The following PDK2 variants were observed in gnomAD, a reference collection of about 807,000 sequenced individuals.
PDK2 encodes the protein pyruvate dehydrogenase kinase 2.
A neutral mutation model predicts 50.4 loss-of-function variants in PDK2; 34 were observed. That is an observed-to-expected ratio of 0.68 (90% confidence interval 0.51 to 0.90). PDK2 has a LOEUF of 0.90. Ranked by LOEUF, PDK2 falls within the 40% of genes least tolerant of loss-of-function variation. The probability of loss-of-function intolerance (pLI) is 0.00; values close to 1 mark genes in which losing one functional copy is unlikely to be tolerated. For synonymous variants in PDK2, 232 were observed against 216.0 expected, an observed-to-expected ratio of 1.07 and a Z score of -0.65; for missense variants, 377 against 544.5, an observed-to-expected ratio of 0.69 and a Z score of 3.06.
intron 2 of PDK2, among the ~76,000 whole-genome samples, chr17:50,103,605 G>A (rs1910345084): frequency 6.6e-6 from 1 of 152,196 alleles, no homozygotes; most frequent in Admixed American, 6.5e-5. Flanking sequence ...GAGGTTCCAT[G>A]ACTTACCCAG....
Position 50,101,317 on chromosome 17 carries a change from G to A in PDK2, c.260+3753G>A, listed in dbSNP as rs576832963. Among the ~76,000 whole-genome samples the A allele has an allele frequency of 2.0e-5, 3 of 152,200 alleles. No homozygotes were observed. Among genetic ancestry groups the A allele is most frequent in the South Asian group, 2.1e-4 (1 of 4,828 alleles). On this transcript the variant is annotated intron_variant, in intron 2 of 10. Coordinates refer to ENST00000503176, the MANE Select transcript of PDK2 (RefSeq NM_002611.5). The surrounding 1 kb of genome is among the most constrained non-coding windows in gnomAD (Gnocchi z 4.2). ...CCGACCACTTACTGCGCATGTACTCGAGGCATCATCTTTTCTGTACACCCA... is the reference window on the plus strand; with the variant it reads ...CCGACCACTTACTGCGCATGTACTCAAGGCATCATCTTTTCTGTACACCCA...
In PDK2 at chr17:50,097,473, C is replaced by T. The variant is rs1454783933; in HGVS notation, c.169C>T (p.Leu57=). 13 of 1,613,902 alleles carry T rather than the reference C, an allele frequency of 8.1e-6. No homozygotes were observed. Among genetic ancestry groups the T allele is most frequent in the Non-Finnish European group, 1.1e-5 (13 of 1,179,992 alleles). ...CTCCTTCACCTTCCTCAGGCAGGAGCTGCCTGTGCGCCTGGCCAACATCAT... is the reference window on the plus strand; with the variant it reads ...CTCCTTCACCTTCCTCAGGCAGGAGTTGCCTGTGCGCCTGGCCAACATCAT... ...KTSFTFLRQE[L]PVRLANIMKE... Residue 57 remains leucine, a synonymous_variant, in exon 2 of 11, where the codon CTG becomes TTG. Transcript: ENST00000503176.
Position 50,097,492 on chromosome 17 carries a change from ACAT to A in PDK2, c.192_194del (p.Ile64del). 6.2e-7 allele frequency: 1 copy of A among 1,614,028 alleles called. No homozygotes were observed. Among genetic ancestry groups the A allele is most frequent in the Non-Finnish European group, 8.5e-7 (1 of 1,180,000 alleles). ...CAGGAGCTGCCTGTGCGCCTGGCCA[ACAT>A]CATGAAAGAGATCAACCTGCTTCCC... is the stretch of plus-strand genomic sequence containing the variant. On this transcript the variant is annotated inframe_deletion, in exon 2 of 11. Transcript: ENST00000503176.
chr17:50,101,530 T>C lies in PDK2; in HGVS notation c.261-3841T>C, dbSNP rs1444212404. ...CCTCCTCCCCAGCCTTTGCCTTGTT[T>C]ACACCCTGCTCCCCAGCAGCTGTGG... On this transcript the variant is annotated intron_variant, in intron 2 of 10. Coordinates refer to ENST00000503176, the MANE Select transcript of PDK2 (RefSeq NM_002611.5). The surrounding 1 kb of genome is among the most constrained non-coding windows in gnomAD (Gnocchi z 4.2). Among the ~76,000 whole-genome samples the C allele has an allele frequency of 3.3e-5, 5 of 152,006 alleles. No homozygotes were observed. Among genetic ancestry groups the C allele is most frequent in the Admixed American group, 3.3e-4 (5 of 15,292 alleles).
At chr17:50,105,503 C>T in intron 3 of PDK2, 61 bp downstream of exon 3, 2 of 1,401,842 alleles carry the variant, frequency 1.4e-6, no homozygotes, top group Non-Finnish European at 2.0e-6. Context: ...TCTGGGGTTG[C>T]AGCCCCTGGG....
Position 50,109,805 on chromosome 17 carries a change from C to A in PDK2, c.1084-152C>A. Reference sequence around the variant, plus strand: ...AGAGGGAGCTGCTTGCTTGAATGGGCAGGAGCGGGACACAGGAGGGACCAC... The same window carrying A: ...AGAGGGAGCTGCTTGCTTGAATGGGAAGGAGCGGGACACAGGAGGGACCAC... On this transcript the variant is annotated intron_variant, in intron 10 of 10. Coordinates refer to ENST00000503176, the MANE Select transcript of PDK2 (RefSeq NM_002611.5). This position sits in a 1 kb window ranked among gnomAD's most constrained non-coding sequence, Gnocchi z 5.0. The A allele has an allele frequency of 1.3e-6, 1 of 799,072 alleles. No individual in the cohort carries two copies. The highest frequency in any genetic ancestry group is 1.9e-6 in the Non-Finnish European group (1 of 528,868). 49.5% of individuals were successfully genotyped at this position (799,072 alleles called of 1,614,324 possible).
At chr17:50,102,908 T>C (rs991122606) in intron 2 of PDK2, among the ~76,000 whole-genome samples, 1 of 151,578 alleles carries the variant, frequency 6.6e-6, no homozygotes, top group African/African-American at 2.4e-5. Flanking sequence ...TGGTGTAGAC[T>C]TGGAGTCTGC....
chr17:50,099,878 G>A (rs147651657), intron 2 of PDK2, among the ~76,000 whole-genome samples: 19 of 152,384 alleles, frequency 1.2e-4, no homozygotes, highest in African/African-American at 4.6e-4. Flanking sequence ...GAGACAGCCT[G>A]CCAAGAATGT....
rs975948762 is a variant in PDK2, at chr17:50,107,117, A to C, written c.649A>C (p.Met217Leu). 12 of 1,613,974 alleles carry C rather than the reference A, an allele frequency of 7.4e-6. No homozygotes were observed. Among genetic ancestry groups the C allele is most frequent in the African/African-American group, 1.3e-5 (1 of 74,888 alleles). The stretch of plus-strand genomic sequence containing the variant: ...TAAGCTCCTGTGTGACAAGTATTAC[A>C]TGGCCTCACCTGACCTGGAGATCCA... ...MAKLLCDKYY[M>L]ASPDLEIQEI... is the part of the protein sequence containing the mutation. Residue 217 changes from methionine to leucine, a missense_variant, in exon 6 of 11, where the codon ATG (methionine) becomes CTG (leucine). Coordinates refer to ENST00000503176, the MANE Select transcript of PDK2 (RefSeq NM_002611.5).
At chr17:50,105,767 G>A in intron 3 of PDK2, 118 bp from the exon 4 acceptor site, 2 of 1,356,646 alleles carry the variant, frequency 1.5e-6, no homozygotes, top group Non-Finnish European at 2.0e-6. Context: ...AGCAGGGAGG[G>A]CACTGGGAGT....
Position 50,095,381 on chromosome 17 carries a change from G to C in PDK2, c.-55G>C. The C allele has an allele frequency of 7.4e-7, 1 of 1,343,874 alleles. No homozygotes were observed. The highest frequency in any genetic ancestry group is 1.0e-6 in the Non-Finnish European group (1 of 954,774). The allele number at this position is 1,343,874 out of a possible 1,614,324, so 83.2% of individuals were successfully genotyped here. On this transcript the variant is annotated 5_prime_UTR_variant, in exon 1 of 11. Transcript: ENST00000503176. ...CCGAACCGCGTCGCTGGGCCGAAAG[G>C]TGCGCGAGCGCTGCCCGCGCGGGGA...
At chr17:50,096,107 C>T (rs16948701) in intron 1 of PDK2, 13 of 986,088 alleles carry the variant, frequency 1.3e-5, no homozygotes, top group Non-Finnish European at 1.6e-5. Flanking sequence ...AGACAGTGCC[C>T]TGACTGGTAG....
rs1910215559 is a variant in PDK2, at chr17:50,101,298, A to G, written c.260+3734A>G. Among the ~76,000 whole-genome samples, 1 of 152,048 alleles carries G rather than the reference A, an allele frequency of 6.6e-6. No homozygotes were observed. On this transcript the variant is annotated intron_variant, in intron 2 of 10. Transcript: ENST00000503176. The surrounding 1 kb of genome is among the most constrained non-coding windows in gnomAD (Gnocchi z 4.2). ...CTTGCATGACCGAGCAGGACCGACC[A>G]CTTACTGCGCATGTACTCGAGGCAT...
intron 6 of PDK2, 89 bp from the exon 7 acceptor site, chr17:50,108,067 T>G: frequency 9.5e-7 from 1 of 1,051,454 alleles, no homozygotes; most frequent in Non-Finnish European, 1.4e-6. Context: ...ACTCAGAACT[T>G]TGTGGGAGGG....
intron 2 of PDK2, among the ~76,000 whole-genome samples, chr17:50,102,586 C>T (rs560143487): frequency 2.0e-5 from 3 of 152,334 alleles, no homozygotes; most frequent in Non-Finnish European, 4.4e-5. Context: ...CCCACCTGCC[C>T]CTAGCACTGC....
chr17:50,103,383 A>G lies in PDK2; in HGVS notation c.261-1988A>G, dbSNP rs1480241373. Among the ~76,000 whole-genome samples, 3 of 152,190 alleles carry G rather than the reference A, an allele frequency of 2.0e-5. No individual in the cohort carries two copies. The East Asian group carries it at 5.8e-4, about 29-fold the overall frequency. On this transcript the variant is annotated intron_variant, in intron 2 of 10. Transcript: ENST00000503176. ...ATGCTGTGATTCAGAGCCTACAAGC[A>G]GTGGGAGAGTATCAGATGCTGCCTG...
intron 9 of PDK2, 63 bp downstream of exon 9, chr17:50,108,782 C>A: frequency 1.0e-6 from 1 of 962,294 alleles, no homozygotes; most frequent in Non-Finnish European, 1.6e-6. Flanking sequence ...TCACTCACTT[C>A]CTTATCTCCC....
chr17:50,096,919 T>G, intron 1 of PDK2, among the ~76,000 whole-genome samples: 1 of 152,186 alleles, frequency 6.6e-6, no homozygotes, highest in East Asian at 1.9e-4. Context: ...TGGATGGGCA[T>G]TAAGACACAG....
chr17:50,096,026 C>A, intron 1 of PDK2: 2 of 768,912 alleles, frequency 2.6e-6, no homozygotes, highest in African/African-American at 1.9e-5. Flanking sequence ...GGGTCAGACA[C>A]CCCTGGGCAG....
Sources: allele counts gnomAD v4.1 joint callset (sites outside exome capture counted in the v4.1 genomes callset), GRCh38; gene constraint gnomAD v4.1.1; non-coding constraint Gnocchi (gnomAD v3.1); transcripts MANE v1.5; gene names NCBI Gene and HGNC (gene_info 2026-07-23, HGNC 2026-07-21).